Variants in TASP1 observed in about 807,000 individuals in gnomAD.
The protein encoded by TASP1 is taspase 1.
In TASP1, 16 loss-of-function variants were observed where a neutral mutation model predicts 56.6. That is an observed-to-expected ratio of 0.28 (90% CI 0.19 to 0.43). TASP1 has a LOEUF of 0.43. Among genes scored for constraint, TASP1 ranks in the 20% least tolerant of loss-of-function variants. TASP1 has a pLI of 1.00. For missense variants in TASP1, 393 were observed against 511.6 expected (o/e 0.77, Z 2.24); for synonymous variants, 179 against 184.2 (o/e 0.97, Z 0.23).
At chr20:13,433,520 CAAAAA>C (rs74746255) in intron 12 of TASP1, among the ~76,000 whole-genome samples, 2 of 89,208 alleles carry the variant, frequency 2.2e-5, no homozygotes, top group African/African-American at 4.8e-5. Context: ...GACAGTATGG[CAAAAA>C]AAAAAAAAAA....
chr20:13,197,243 G>C, the TASP1 span, among the ~76,000 whole-genome samples: 219 of 152,256 alleles, frequency 1.4e-3, no homozygotes, highest in African/African-American at 4.9e-3. Context: ...TGTTTCATCT[G>C]GTAAGAGTGA....
intron 12 of TASP1, among the ~76,000 whole-genome samples, chr20:13,430,114 A>C (rs1265697265): frequency 2.0e-5 from 3 of 152,200 alleles, no homozygotes; most frequent in Non-Finnish European, 4.4e-5. Flanking sequence ...GAGGGTCCCC[A>C]AAAAGAGAAT....
At chr20:13,168,801 A>T in the TASP1 span, 1 of 152,198 alleles carries the variant, frequency 6.6e-6, no homozygotes, top group African/African-American at 2.4e-5. Context: ...TCCTGGTCTC[A>T]AAACAGTAAG....
At chr20:13,590,346 A>G (rs565355062) in intron 4 of TASP1, among the ~76,000 whole-genome samples, 2 of 152,356 alleles carry the variant, frequency 1.3e-5, no homozygotes, top group East Asian at 3.9e-4. Flanking sequence ...TCATACAGAT[A>G]ACAACACATG....
chr20:13,529,731 A>G (rs2146866805), intron 9 of TASP1, among the ~76,000 whole-genome samples: 1 of 152,316 alleles, frequency 6.6e-6, no homozygotes, highest in South Asian at 2.1e-4. Flanking sequence ...GATATTTTCT[A>G]AGAGTTCATT....
intron 2 of TASP1, among the ~76,000 whole-genome samples, chr20:13,627,860 C>G (rs1170852206): frequency 6.6e-6 from 1 of 151,884 alleles, no homozygotes; most frequent in Non-Finnish European, 1.5e-5. Context: ...TTAGGAAGAC[C>G]AAACAACACC....
chr20:13,307,096 G>C, the TASP1 span, among the ~76,000 whole-genome samples: 1 of 152,176 alleles, frequency 6.6e-6, no homozygotes, highest in East Asian at 1.9e-4. Context: ...CTACTCACCA[G>C]CAGCAAATGT....
the TASP1 span, among the ~76,000 whole-genome samples, chr20:13,173,453 C>A: frequency 6.6e-6 from 1 of 152,166 alleles, no homozygotes; most frequent in Admixed American, 6.5e-5. Context: ...GATGCACTCA[C>A]CTAGTTCCTC....
At chr20:13,455,528 A>T (rs1174557128) in intron 11 of TASP1, among the ~76,000 whole-genome samples, 8 of 152,080 alleles carry the variant, frequency 5.3e-5, no homozygotes, top group African/African-American at 1.9e-4. Context: ...GTTGGGTGGG[A>T]GAATGGTGGA....
At chr20:13,126,827 T>C in the TASP1 span, 1 of 1,389,730 alleles carries the variant, frequency 7.2e-7, no homozygotes, top group South Asian at 1.6e-5. Flanking sequence ...ACCCTATTTG[T>C]AAATCAAGCC....
At chr20:13,205,570 CT>C in the TASP1 span, among the ~76,000 whole-genome samples, 18,315 of 152,212 alleles carry the variant, frequency 0.12, 1,407 homozygotes, top group East Asian at 0.29. Flanking sequence ...ATCTCCTTGT[CT>C]ATCCTCACGT....
At chr20:13,173,192 G>C in the TASP1 span, among the ~76,000 whole-genome samples, 2 of 152,238 alleles carry the variant, frequency 1.3e-5, no homozygotes, top group Non-Finnish European at 2.9e-5. Context: ...AGATCTCAGG[G>C]GAGCATCCAG....
intron 8 of TASP1, among the ~76,000 whole-genome samples, chr20:13,555,229 C>T (rs1255743743): frequency 6.6e-6 from 1 of 151,492 alleles, no homozygotes; most frequent in Non-Finnish European, 1.5e-5. Context: ...ACTAAAAATA[C>T]AAAAATTAGC....
the TASP1 span, among the ~76,000 whole-genome samples, chr20:13,378,830 CCTTT>C: frequency 3.3e-5 from 5 of 152,062 alleles, no homozygotes; most frequent in Non-Finnish European, 7.4e-5. Context: ...TTATGTAATG[CCTTT>C]CTTTGTCTTT....
At chr20:13,536,594 T>G (rs2045428224) in intron 8 of TASP1, among the ~76,000 whole-genome samples, 2 of 152,210 alleles carry the variant, frequency 1.3e-5, no homozygotes, top group Admixed American at 6.5e-5. Flanking sequence ...TTGGAAATAC[T>G]GAGTTTTTAT....
At chr20:13,473,892 G>A (rs2044618441) in intron 11 of TASP1, among the ~76,000 whole-genome samples, 1 of 152,112 alleles carries the variant, frequency 6.6e-6, no homozygotes, top group Non-Finnish European at 1.5e-5. Context: ...GGGCAACATA[G>A]TGAGACCCTG....
chr20:13,549,601 A>G (rs2045914402), intron 8 of TASP1, among the ~76,000 whole-genome samples: 1 of 152,064 alleles, frequency 6.6e-6, no homozygotes, highest in African/African-American at 2.4e-5. Context: ...ACATATTTAA[A>G]CTTGGAATGT....
the TASP1 span, among the ~76,000 whole-genome samples, chr20:13,358,957 T>C: frequency 6.6e-6 from 1 of 150,620 alleles, no homozygotes; most frequent in Non-Finnish European, 1.5e-5. Context: ...TCTCTCCTTG[T>C]CTCTACCCCT....
At chr20:13,471,724 A>C (rs1026947495) in intron 11 of TASP1, among the ~76,000 whole-genome samples, 3 of 152,174 alleles carry the variant, frequency 2.0e-5, no homozygotes, top group Admixed American at 2.0e-4. Flanking sequence ...GCCAAACAGG[A>C]ACAGCTCTGG....
Sources: gnomAD v4.1 joint callset for allele counts (sites outside exome capture counted in the v4.1 genomes callset) on GRCh38, gnomAD v4.1.1 for gene constraint, MANE v1.5 for transcripts, NCBI Gene and HGNC (gene_info 2026-07-23, HGNC 2026-07-21) for gene names.